POPDC1: variants seen among roughly 807,000 people sequenced by gnomAD.
POPDC1 encodes the protein popeye domain-containing protein 1.
At chr6:105,116,937 A>G in the POPDC1 span, 2 of 1,432,160 alleles carry the variant, frequency 1.4e-6, no homozygotes, top group Non-Finnish European at 1.9e-6. Flanking sequence ...ATAGTGATTT[A>G]GAAAACTAGG....
the POPDC1 span, chr6:105,124,721 G>A: frequency 7.9e-6 from 9 of 1,138,416 alleles, no homozygotes; most frequent in African/African-American, 7.8e-5. Context: ...CCTTAAAACT[G>A]CTATCATCTT....
the POPDC1 span, among the ~76,000 whole-genome samples, chr6:105,104,699 C>A: frequency 1.3e-5 from 2 of 152,092 alleles, no homozygotes; most frequent in Non-Finnish European, 2.9e-5. Context: ...AGAATTGATT[C>A]GACACTGCTT....
the POPDC1 span, among the ~76,000 whole-genome samples, chr6:105,106,035 T>C: frequency 0.86 from 130,316 of 151,874 alleles, 57,461 homozygotes; most frequent in Non-Finnish European, 0.96. Flanking sequence ...GGAGGCAGAG[T>C]GGTTAACTCC....
At chr6:105,115,608 TA>T in the POPDC1 span, 1 of 1,487,600 alleles carries the variant, frequency 6.7e-7, no homozygotes. Flanking sequence ...GTTATTTTTC[TA>T]ATCAAAGTTG....
chr6:105,129,493 A>C, the POPDC1 span: 4 of 1,610,640 alleles, frequency 2.5e-6, no homozygotes, highest in Middle Eastern at 1.7e-4. Context: ...AGACGATATA[A>C]AGGGTACATC....
chr6:105,134,647 A>G, the POPDC1 span, among the ~76,000 whole-genome samples: 2 of 152,180 alleles, frequency 1.3e-5, no homozygotes, highest in Non-Finnish European at 2.9e-5. Context: ...AGAATAATTA[A>G]TTGGTACAAA....
chr6:105,097,922 G>T, the POPDC1 span: 1 of 152,090 alleles, frequency 6.6e-6, no homozygotes. Context: ...TTTATATAGT[G>T]TCTATGCTAT....
At chr6:105,116,314 G>A in the POPDC1 span, among the ~76,000 whole-genome samples, 3 of 152,156 alleles carry the variant, frequency 2.0e-5, no homozygotes, top group Non-Finnish European at 4.4e-5. Flanking sequence ...AGATATGCAA[G>A]ACTGGAAGAC....
the POPDC1 span, among the ~76,000 whole-genome samples, chr6:105,135,490 T>C: frequency 6.6e-6 from 1 of 152,282 alleles, no homozygotes; most frequent in East Asian, 1.9e-4. Context: ...AATCAATACA[T>C]GTTGCCCCTC....
the POPDC1 span, among the ~76,000 whole-genome samples, chr6:105,132,759 T>C: frequency 6.6e-6 from 1 of 152,234 alleles, no homozygotes; most frequent in African/African-American, 2.4e-5. Flanking sequence ...TCAGGGTTAC[T>C]GGGACCAAAA....
chr6:105,101,135 A>G, the POPDC1 span: 1 of 1,613,886 alleles, frequency 6.2e-7, no homozygotes, highest in Non-Finnish European at 8.5e-7. Context: ...TGCCGGTTCA[A>G]AAACGTCATC....
the POPDC1 span, among the ~76,000 whole-genome samples, chr6:105,119,809 C>T: frequency 1.3e-5 from 2 of 152,230 alleles, no homozygotes; most frequent in African/African-American, 2.4e-5. Flanking sequence ...GGCAATGAAA[C>T]TTTTACAATG....
chr6:105,122,231 A>C, the POPDC1 span, among the ~76,000 whole-genome samples: 6 of 152,160 alleles, frequency 3.9e-5, no homozygotes, highest in African/African-American at 1.2e-4. Context: ...TGCTAGTTTT[A>C]ATCTACTGGC....
chr6:105,125,780 A>C, the POPDC1 span, among the ~76,000 whole-genome samples: 3 of 152,238 alleles, frequency 2.0e-5, no homozygotes, highest in Admixed American at 6.5e-5. Context: ...GGGTATGGTT[A>C]GGTCATGTGA....
the POPDC1 span, chr6:105,133,413 C>T: frequency 9.9e-6 from 16 of 1,613,770 alleles, no homozygotes; most frequent in Non-Finnish European, 9.3e-6. Context: ...GAATAACCAA[C>T]CCAACTGCAA....
the POPDC1 span, among the ~76,000 whole-genome samples, chr6:105,118,915 G>A: frequency 6.6e-6 from 1 of 152,060 alleles, no homozygotes; most frequent in East Asian, 1.9e-4. Context: ...CGGGCATACT[G>A]GCATGTGCCT....
the POPDC1 span, among the ~76,000 whole-genome samples, chr6:105,106,076 G>T: frequency 6.6e-6 from 1 of 152,142 alleles, no homozygotes; most frequent in Non-Finnish European, 1.5e-5. Context: ...ATCAGGAAAA[G>T]ACTTCTGTAG....
chr6:105,116,948 A>C, the POPDC1 span: 3 of 1,343,348 alleles, frequency 2.2e-6, no homozygotes, highest in Non-Finnish European at 3.1e-6. Flanking sequence ...GAAAACTAGG[A>C]ATGATTTAGT....
chr6:105,111,954 C>T, the POPDC1 span, among the ~76,000 whole-genome samples: 20 of 152,154 alleles, frequency 1.3e-4, no homozygotes, highest in Admixed American at 2.0e-4. Context: ...CACCCAACTA[C>T]CGGCAGATGA....
Sources: gnomAD v4.1 joint callset for allele counts (sites outside exome capture counted in the v4.1 genomes callset) on GRCh38, gnomAD v4.1.1 for gene constraint, MANE v1.5 for transcripts, NCBI Gene and HGNC (gene_info 2026-07-23, HGNC 2026-07-21) for gene names.